MAN2A1: variants seen among roughly 807,000 people sequenced by gnomAD.
The protein encoded by MAN2A1 is mannosidase alpha class 2A member 1.
MAN2A1 carries 76 observed loss-of-function variants against 142.6 expected under a neutral mutation model. The observed-to-expected ratio is 0.53, with a 90% CI of 0.44 to 0.65. The LOEUF is 0.65. Among genes scored for constraint, MAN2A1 ranks in the 30% least tolerant of loss-of-function variants. MAN2A1 has a pLI of 0.00. For synonymous variants in MAN2A1, 559 were observed against 473.2 expected (o/e 1.18, Z -2.35); for missense variants, 1,311 against 1,365.1 (o/e 0.96, Z 0.62).
chr5:109,844,256 T>A (rs985990879), intron 17 of MAN2A1, among the ~76,000 whole-genome samples: 10 of 152,356 alleles, frequency 6.6e-5, no homozygotes, highest in African/African-American at 2.4e-4. Context: ...AAAGAAAATA[T>A]TACTTTTAAG....
At chr5:109,819,616 C>T in intron 13 of MAN2A1, 53 bp from the exon 14 acceptor site, 4 of 1,074,460 alleles carry the variant, frequency 3.7e-6, no homozygotes, top group South Asian at 1.9e-5. Flanking sequence ...AATGGTTTGC[C>T]TCTCAGTAGA....
intron 12 of MAN2A1, among the ~76,000 whole-genome samples, chr5:109,792,439 A>G (rs1753760087): frequency 6.6e-6 from 1 of 151,860 alleles, no homozygotes; most frequent in Non-Finnish European, 1.5e-5. Context: ...TATGCCCCTT[A>G]TTTATTACAT....
At chr5:109,815,695 G>T (rs1425282266) in intron 12 of MAN2A1, among the ~76,000 whole-genome samples, 2 of 151,690 alleles carry the variant, frequency 1.3e-5, no homozygotes, top group Non-Finnish European at 2.9e-5. Flanking sequence ...TTTGGCCCCT[G>T]TAGGTATTCA....
rs1751446972 is a variant in MAN2A1, at chr5:109,716,181, G to A, written c.452G>A (p.Gly151Glu). Residue 151 changes from glycine (G) to glutamate (E), a missense_variant, in exon 3 of 22, where the codon GGA (glycine) becomes GAA (glutamate). Gly to Glu is a moderately conservative substitution (Grantham distance 98). Around this residue, in one of 3 missense-constraint regions of MAN2A1, gnomAD observed 409 missense variants for 412.7 expected, o/e 0.99. Coordinates refer to ENST00000261483, the MANE Select transcript of MAN2A1 (RefSeq NM_002372.4). The stretch of plus-strand genomic sequence containing the variant: ...CCAGATGGTGGAGTTTGGAAGCAAG[G>A]ATTTGACATTACTTATGAATCTAAT... ...DNPDGGVWKQ[G>E]FDITYESNEW... 6.2e-7 allele frequency: 1 copy of A among 1,611,480 alleles called. No individual in the cohort carries two copies. Among genetic ancestry groups the A allele is most frequent in the South Asian group, 1.1e-5 (1 of 90,828 alleles).
At chr5:109,775,251 A>G (rs1242961042) in intron 8 of MAN2A1, among the ~76,000 whole-genome samples, 2 of 152,092 alleles carry the variant, frequency 1.3e-5, no homozygotes, top group African/African-American at 4.8e-5. Context: ...TCAGGGACTT[A>G]CTGTTTTTGT....
At position 109,723,113 on chromosome 5, in the gene MAN2A1, C is replaced by T. The variant is rs141271830; in HGVS notation, c.536-6229C>T. The stretch of plus-strand genomic sequence containing the variant: ...TAAGGGGTCACAGTTGTACATTGTA[C>T]GTATAGGGCTGCAGGATGAACAAAA... On this transcript the variant is annotated intron_variant, in intron 3 of 21. Transcript: ENST00000261483. Among the ~76,000 whole-genome samples the T allele has an allele frequency of 9.1e-4, 138 of 152,242 alleles. 1 individual carries two copies. The highest frequency in any genetic ancestry group is 3.2e-3 in the African/African-American group (133 of 41,544).
Position 109,740,024 on chromosome 5 carries a change from T to C in MAN2A1, c.707+10511T>C, listed in dbSNP as rs550271565. Among the ~76,000 whole-genome samples the C allele has an allele frequency of 1.1e-4, 17 of 152,332 alleles. No homozygotes were observed. The East Asian group carries it at 3.1e-3, about 28-fold the overall frequency. On this transcript the variant is annotated intron_variant, in intron 4 of 21. Coordinates refer to ENST00000261483, the MANE Select transcript of MAN2A1 (RefSeq NM_002372.4). Reference sequence around the variant, plus strand: ...AAGACTCTTCCTGTAATAAGATCCCTGTGTTCCCTGCAGCATGATTTCTCA... The same window carrying C: ...AAGACTCTTCCTGTAATAAGATCCCCGTGTTCCCTGCAGCATGATTTCTCA...
At chr5:109,845,763 C>CT in intron 17 of MAN2A1, 102 bp from the exon 18 acceptor site, 1 of 800,400 alleles carries the variant, frequency 1.2e-6, no homozygotes, top group Non-Finnish European at 1.9e-6. Flanking sequence ...AAAAAGGAAG[C>CT]TTTGTCTTTT....
intron 16 of MAN2A1, among the ~76,000 whole-genome samples, chr5:109,829,773 T>TG (rs1754857290): frequency 6.6e-6 from 1 of 152,216 alleles, no homozygotes; most frequent in East Asian, 1.9e-4. Context: ...TTCCTCAACT[T>TG]TAATTTTTCA....
chr5:109,831,469 A>T (rs879553675), intron 16 of MAN2A1, among the ~76,000 whole-genome samples: 1 of 152,254 alleles, frequency 6.6e-6, no homozygotes, highest in Non-Finnish European at 1.5e-5. Context: ...TTAGAACCCC[A>T]CTATAAGGAT....
At chr5:109,764,908 A>G (rs996480940) in intron 5 of MAN2A1, among the ~76,000 whole-genome samples, 1 of 151,724 alleles carries the variant, frequency 6.6e-6, no homozygotes, top group African/African-American at 2.4e-5. Context: ...CTTGGGAAGG[A>G]CTCCCATGTA....
intron 6 of MAN2A1, among the ~76,000 whole-genome samples, chr5:109,769,563 T>A (rs1753085209): frequency 6.6e-6 from 1 of 152,194 alleles, no homozygotes; most frequent in Non-Finnish European, 1.5e-5. Context: ...AGGTAGGTCC[T>A]CCAGTCTCAC....
chr5:109,709,013 C>T (rs1429232172), intron 1 of MAN2A1, among the ~76,000 whole-genome samples: 1 of 152,182 alleles, frequency 6.6e-6, no homozygotes, highest in East Asian at 1.9e-4. Flanking sequence ...TGCTAAACCA[C>T]CTGGGTTTCA....
intron 12 of MAN2A1, 97 bp downstream of exon 12, chr5:109,789,624 A>G (rs1479421816): frequency 7.8e-6 from 6 of 772,758 alleles, no homozygotes; most frequent in Non-Finnish European, 6.1e-6. Context: ...TTTTGAGGCA[A>G]TCAATTTATT....
intron 8 of MAN2A1, among the ~76,000 whole-genome samples, chr5:109,776,765 G>A (rs115272369): frequency 0.011 from 1,601 of 152,152 alleles, 24 homozygotes; most frequent in African/African-American, 0.036. Flanking sequence ...ACCAACTGCC[G>A]CAAAAGCAAC....
chr5:109,767,803 A>G, intron 6 of MAN2A1, 95 bp downstream of exon 6: 1 of 1,034,000 alleles, frequency 9.7e-7, no homozygotes, highest in Non-Finnish European at 1.4e-6. Flanking sequence ...GTTCACTGTC[A>G]GTCTTGAAAA....
At chr5:109,767,793 G>A in intron 6 of MAN2A1, 85 bp downstream of exon 6, 1 of 1,142,702 alleles carries the variant, frequency 8.8e-7, no homozygotes, top group Non-Finnish European at 1.2e-6. Context: ...TGTGGGTTTT[G>A]TTCACTGTCA....
rs1412760892 is a variant in MAN2A1, at chr5:109,819,736, C to A, written c.2177C>A (p.Ser726Ter). ...KVYKILESAS[S>*]NSHLADYVLY... ...TATAAGATTTTGGAATCAGCAAGTT[C>A]AAATTCACATTTAGCTGATTATGTC... is the stretch of plus-strand genomic sequence containing the variant. Residue 726 changes from serine (S) to a stop codon, truncating the protein, a stop_gained, in exon 14 of 22, where the codon TCA (serine) becomes TAA (stop). Coordinates refer to ENST00000261483, the MANE Select transcript of MAN2A1 (RefSeq NM_002372.4). LOFTEE classifies it high-confidence loss of function. The A allele has an allele frequency of 7.4e-6, 12 of 1,612,066 alleles. No homozygotes were observed. Among genetic ancestry groups the A allele is most frequent in the Non-Finnish European group, 1.0e-5 (12 of 1,178,978 alleles).
chr5:109,707,601 C>G (rs1751170873), intron 1 of MAN2A1, among the ~76,000 whole-genome samples: 1 of 152,078 alleles, frequency 6.6e-6, no homozygotes, highest in Non-Finnish European at 1.5e-5. Context: ...TAAACCATAA[C>G]ATGAGGAGGC....
Sources: allele counts gnomAD v4.1 joint callset (sites outside exome capture counted in the v4.1 genomes callset), GRCh38; gene constraint gnomAD v4.1.1; regional missense constraint gnomAD v4.1.1; transcripts MANE v1.5; gene names NCBI Gene and HGNC (gene_info 2026-07-23, HGNC 2026-07-21).